PPP2R2B: variants seen among roughly 807,000 people sequenced by gnomAD.
PPP2R2B encodes the protein serine/threonine-protein phosphatase 2A 55 kDa regulatory subunit B beta isoform.
In PPP2R2B, 5 loss-of-function variants were observed where a neutral mutation model predicts 46.0. The ratio of observed to expected loss-of-function variants is 0.11; its 90% CI spans 0.06 to 0.23. The LOEUF (loss-of-function observed/expected upper bound fraction) is 0.23, where lower values mean the gene tolerates loss of function less well. PPP2R2B is among the 10% of genes least tolerant of loss of function. The pLI, the probability that PPP2R2B is intolerant of heterozygous loss-of-function variation, is 1.00. For missense variants in PPP2R2B, 367 were observed against 575.0 expected, an observed-to-expected ratio of 0.64 and a Z score of 3.70; for synonymous variants, 215 against 206.7, an observed-to-expected ratio of 1.04 and a Z score of -0.34.
chr5:146,707,594 G>T, intron 2 of PPP2R2B: 1 of 673,982 alleles, frequency 1.5e-6, no homozygotes. Context: ...CACCCTGATG[G>T]ACATGGTGGA....
rs145640738 is a variant in PPP2R2B, at chr5:146,790,260, G to A, written c.70+87742C>T. On this transcript the variant is annotated intron_variant, in intron 2 of 9. Coordinates refer to ENST00000394411, the MANE Select transcript of PPP2R2B (RefSeq NM_181675.4). ...GCCAATTACCCTCATTTCTGTGGAA[G>A]GGAACTGGGAGAGGAGAAACACCAG... Among the ~76,000 whole-genome samples, 798 of 152,302 alleles carry A rather than the reference G, an allele frequency of 5.2e-3. 6 individuals carry two copies. Among genetic ancestry groups the A allele is most frequent in the South Asian group, 0.033 (158 of 4,824 alleles).
intron 1 of PPP2R2B, among the ~76,000 whole-genome samples, chr5:147,006,832 T>A (rs141082923): frequency 1.6e-3 from 241 of 151,852 alleles, no homozygotes; most frequent in African/African-American, 5.3e-3. Flanking sequence ...AGGGGAAGAG[T>A]GTTGTTTTTA....
chr5:146,646,055 C>T (rs1186383630), intron 6 of PPP2R2B, among the ~76,000 whole-genome samples: 1 of 152,212 alleles, frequency 6.6e-6, no homozygotes, highest in Non-Finnish European at 1.5e-5. Context: ...TTTAAAAATG[C>T]ATTCATAGAA....
At chr5:146,761,921 T>C (rs1398948282) in intron 2 of PPP2R2B, among the ~76,000 whole-genome samples, 2 of 152,152 alleles carry the variant, frequency 1.3e-5, no homozygotes, top group Non-Finnish European at 2.9e-5. Flanking sequence ...GCAAACCGCA[T>C]TGAGCTCTCT....
intron 1 of PPP2R2B, among the ~76,000 whole-genome samples, chr5:147,011,794 T>G (rs1252185190): frequency 6.9e-6 from 1 of 144,010 alleles, no homozygotes; most frequent in African/African-American, 2.6e-5. Context: ...TGAAGGGTTG[T>G]TGAATTTTGT....
At chr5:146,677,768 TCCACCCA>T (rs1777838547) in intron 5 of PPP2R2B, among the ~76,000 whole-genome samples, 1 of 152,050 alleles carries the variant, frequency 6.6e-6, no homozygotes, top group Non-Finnish European at 1.5e-5. Context: ...GCTCAAGCGA[TCCACCCA>T]CCCCAGCCTC....
chr5:146,853,372 C>T (rs914000473), intron 2 of PPP2R2B, among the ~76,000 whole-genome samples: 4 of 152,226 alleles, frequency 2.6e-5, no homozygotes, highest in South Asian at 2.1e-4. Flanking sequence ...TTATCCTGCT[C>T]ATCTCTATAT....
Position 146,623,930 on chromosome 5 carries a change from G to A in PPP2R2B, c.790+14321C>T, listed in dbSNP as rs553575862. The stretch of plus-strand genomic sequence containing the variant: ...TACTGAGCTGTCAAAATAGAATTAT[G>A]AGAACTGCATGGGGGGCTTGAATTA... On this transcript the variant is annotated intron_variant, in intron 7 of 9. Coordinates refer to ENST00000394411, the MANE Select transcript of PPP2R2B (RefSeq NM_181675.4). 7.2e-5 allele frequency among the ~76,000 whole-genome samples: 11 copies of A among 152,268 alleles called. No homozygotes were observed. The East Asian group carries it at 9.6e-4, about 13-fold the overall frequency.
In PPP2R2B at chr5:146,701,195, G is replaced by A. The variant is rs760694553; in HGVS notation, c.71-53C>T. The A allele has an allele frequency of 1.2e-4, 170 of 1,383,920 alleles. 1 individual carries two copies. Among genetic ancestry groups the A allele is most frequent in the Non-Finnish European group, 1.6e-4 (153 of 970,246 alleles). The allele number at this position is 1,383,920 out of a possible 1,614,324, so 85.7% of individuals were successfully genotyped here. On this transcript the variant is annotated intron_variant, in intron 2 of 9. Coordinates refer to ENST00000394411, the MANE Select transcript of PPP2R2B (RefSeq NM_181675.4). Reference sequence around the variant, plus strand: ...AAGTAACTGCACACTTACTTTGAAAGGATAGATAATAGATATACTTTTCTG... The same window carrying A: ...AAGTAACTGCACACTTACTTTGAAAAGATAGATAATAGATATACTTTTCTG...
chr5:146,865,762 AAAC>A (rs1275101339), intron 2 of PPP2R2B, among the ~76,000 whole-genome samples: 1 of 152,132 alleles, frequency 6.6e-6, no homozygotes, highest in Admixed American at 6.6e-5. Context: ...TCACTTGTTA[AAAC>A]AACATGCCAC....
Position 146,829,664 on chromosome 5 carries a change from T to C in PPP2R2B, c.70+48338A>G, listed in dbSNP as rs368553019. Among the ~76,000 whole-genome samples the C allele has an allele frequency of 3.4e-3, 524 of 152,280 alleles. 3 individuals are homozygous for C. The highest frequency in any genetic ancestry group is 6.8e-3 in the Middle Eastern group (2 of 294). ...AGTCCTGCAAAGCAAAACTGACTTA[T>C]GTAAAAGAGGCGCAGGTTAAGGTTT... is the stretch of plus-strand genomic sequence containing the variant. On this transcript the variant is annotated intron_variant, in intron 2 of 9. Coordinates refer to ENST00000394411, the MANE Select transcript of PPP2R2B (RefSeq NM_181675.4).
At chr5:146,864,254 CT>C (rs1761177247) in intron 2 of PPP2R2B, among the ~76,000 whole-genome samples, 1 of 151,960 alleles carries the variant, frequency 6.6e-6, no homozygotes, top group Non-Finnish European at 1.5e-5. Context: ...AAGATTTGTA[CT>C]TTTTATTTAG....
chr5:146,898,992 T>G (rs1282855633), intron 1 of PPP2R2B, among the ~76,000 whole-genome samples: 1 of 149,970 alleles, frequency 6.7e-6, no homozygotes, highest in African/African-American at 2.5e-5. Context: ...CTGGAGAGGA[T>G]GTGGAGAAAT....
chr5:146,831,651 C>T (rs1370417076), intron 2 of PPP2R2B, among the ~76,000 whole-genome samples: 4 of 151,172 alleles, frequency 2.6e-5, no homozygotes, highest in African/African-American at 7.3e-5. Flanking sequence ...GTTAGCCAGG[C>T]GTGGTGGCAC....
At chr5:146,938,883 C>T (rs887751792) in intron 1 of PPP2R2B, among the ~76,000 whole-genome samples, 13 of 147,226 alleles carry the variant, frequency 8.8e-5, no homozygotes, top group Admixed American at 7.8e-4. Context: ...CAGGTTCAAG[C>T]GATTCTCCTG....
intron 2 of PPP2R2B, among the ~76,000 whole-genome samples, chr5:146,730,935 G>A (rs903113740): frequency 6.6e-6 from 1 of 152,160 alleles, no homozygotes; most frequent in Admixed American, 6.5e-5. Flanking sequence ...GATATTCTCT[G>A]CATTCCAAGA....
chr5:146,710,816 T>G (rs746057991), intron 2 of PPP2R2B, among the ~76,000 whole-genome samples: 1 of 152,162 alleles, frequency 6.6e-6, no homozygotes, highest in Non-Finnish European at 1.5e-5. Context: ...GGAATGGGAG[T>G]TCTTGGGCAG....
chr5:146,654,089 T>C (rs1402489380), intron 5 of PPP2R2B, among the ~76,000 whole-genome samples: 1 of 152,132 alleles, frequency 6.6e-6, no homozygotes, highest in Non-Finnish European at 1.5e-5. Flanking sequence ...CTGAGTCAGG[T>C]CCACAGTCAA....
At chr5:147,046,698 G>A (rs1168716235) in intron 1 of PPP2R2B, among the ~76,000 whole-genome samples, 2 of 151,744 alleles carry the variant, frequency 1.3e-5, no homozygotes, top group Non-Finnish European at 2.9e-5. Flanking sequence ...AACAGGAGCC[G>A]GCATTTTCAA....
Sources: allele counts gnomAD v4.1 joint callset (sites outside exome capture counted in the v4.1 genomes callset), GRCh38; gene constraint gnomAD v4.1.1; transcripts MANE v1.5; gene names NCBI Gene and HGNC (gene_info 2026-07-23, HGNC 2026-07-21).